Variants in PPM1L observed in about 807,000 individuals in gnomAD.
The protein encoded by PPM1L is protein phosphatase, Mg2+/Mn2+ dependent 1L.
A neutral mutation model predicts 31.4 loss-of-function variants in PPM1L; 13 were observed. The observed-to-expected ratio is 0.41, with a 90% CI of 0.27 to 0.66. The LOEUF (loss-of-function observed/expected upper bound fraction) is 0.66. Among genes scored for constraint, PPM1L ranks in the 30% least tolerant of loss-of-function variants. The pLI is 0.29. For missense variants in PPM1L, 326 were observed against 453.7 expected (o/e 0.72, Z 2.56); for synonymous variants, 184 against 175.4 (o/e 1.05, Z -0.39).
chr3:160,978,882 G>A (rs1716702272), intron 2 of PPM1L, among the ~76,000 whole-genome samples: 1 of 151,740 alleles, frequency 6.6e-6, no homozygotes, highest in Admixed American at 6.6e-5. Context: ...AGAAAGGAAA[G>A]AAAGTATTAT....
At chr3:160,886,220 C>G (rs369781411) in intron 1 of PPM1L, among the ~76,000 whole-genome samples, 4 of 152,320 alleles carry the variant, frequency 2.6e-5, no homozygotes, top group African/African-American at 9.6e-5. Context: ...GGGCCTGTGC[C>G]CCTAGTGGGA....
chr3:160,764,071 C>G (rs896418047), intron 1 of PPM1L, among the ~76,000 whole-genome samples: 5 of 152,134 alleles, frequency 3.3e-5, no homozygotes, highest in African/African-American at 1.2e-4. Flanking sequence ...ATTACCCTGT[C>G]ACATCTACTG....
chr3:160,986,746 C>T (rs1716978456), intron 2 of PPM1L, among the ~76,000 whole-genome samples: 1 of 152,094 alleles, frequency 6.6e-6, no homozygotes, highest in Non-Finnish European at 1.5e-5. Context: ...TTTTATCTTG[C>T]TTTGTTTTTT....
chr3:160,884,861 T>C lies in PPM1L; in HGVS notation c.400-76875T>C, dbSNP rs148489694. Among the ~76,000 whole-genome samples the C allele has an allele frequency of 9.4e-4, 143 of 152,254 alleles. 2 individuals are homozygous for C. The East Asian group carries it at 0.027, about 28-fold the overall frequency. ...TAAGAAAGTTTGCTATGCTAATGAG[T>C]AGTGTTAGTCCCATGGAGGGAGATT... On this transcript the variant is annotated intron_variant, in intron 1 of 3. Coordinates refer to ENST00000498165, the MANE Select transcript of PPM1L (RefSeq NM_139245.4).
At chr3:160,778,499 G>A (rs978028300) in intron 1 of PPM1L, among the ~76,000 whole-genome samples, 2 of 151,956 alleles carry the variant, frequency 1.3e-5, no homozygotes, top group Admixed American at 6.6e-5. Flanking sequence ...AATTACTTGC[G>A]GCTGTGGGAG....
chr3:160,917,809 G>T (rs533364738), intron 1 of PPM1L, among the ~76,000 whole-genome samples: 2 of 152,208 alleles, frequency 1.3e-5, no homozygotes, highest in Non-Finnish European at 2.9e-5. Flanking sequence ...GGGCATCCCT[G>T]TGTCATAGGG....
At chr3:160,855,673 A>C (rs1425503877) in intron 1 of PPM1L, among the ~76,000 whole-genome samples, 3 of 152,336 alleles carry the variant, frequency 2.0e-5, no homozygotes, top group Admixed American at 6.5e-5. Flanking sequence ...ACCATTTCAC[A>C]CAAGTCAGAA....
chr3:161,028,827 G>A (rs986260864), intron 2 of PPM1L, among the ~76,000 whole-genome samples: 1 of 152,138 alleles, frequency 6.6e-6, no homozygotes, highest in African/African-American at 2.4e-5. Context: ...GCCAGTGTAC[G>A]TGCCCTCTAA....
At chr3:160,899,845 T>C (rs1713479565) in intron 1 of PPM1L, among the ~76,000 whole-genome samples, 1 of 152,168 alleles carries the variant, frequency 6.6e-6, no homozygotes, top group South Asian at 2.1e-4. Flanking sequence ...TAAATGTAGA[T>C]GAATTTTCTA....
chr3:160,835,527 T>C (rs577376399), intron 1 of PPM1L, among the ~76,000 whole-genome samples: 1 of 152,296 alleles, frequency 6.6e-6, no homozygotes, highest in Admixed American at 6.5e-5. Context: ...CTCACATCTA[T>C]AGCTTTTATT....
chr3:160,908,813 T>A (rs1382148316), intron 1 of PPM1L, among the ~76,000 whole-genome samples: 2 of 151,944 alleles, frequency 1.3e-5, no homozygotes, highest in Non-Finnish European at 2.9e-5. Context: ...GTGCACAGAG[T>A]GATTTCAGAG....
At chr3:160,974,589 T>C (rs565831293) in intron 2 of PPM1L, among the ~76,000 whole-genome samples, 20 of 151,772 alleles carry the variant, frequency 1.3e-4, no homozygotes, top group Admixed American at 3.9e-4. Flanking sequence ...TGGTATCTCA[T>C]TGTGGTTTTG....
chr3:161,052,882 C>A lies in PPM1L; in HGVS notation c.575-12521C>A, dbSNP rs548531443. 3.3e-4 allele frequency among the ~76,000 whole-genome samples: 50 copies of A among 152,308 alleles called. No individual in the cohort carries two copies. In the Middle Eastern group the frequency reaches 0.01, roughly 31 times the overall value. ...CCTCTCATTTTCAGCCTTCTTCTCC[C>A]CTTTTCCTGTCTCTGCCTTTCTCCT... On this transcript the variant is annotated intron_variant, in intron 2 of 3. Coordinates refer to ENST00000498165, the MANE Select transcript of PPM1L (RefSeq NM_139245.4).
intron 1 of PPM1L, among the ~76,000 whole-genome samples, chr3:160,836,618 C>T (rs1713724495): frequency 1.3e-5 from 2 of 152,190 alleles, no homozygotes; most frequent in Non-Finnish European, 2.9e-5. Flanking sequence ...AGCACTCATC[C>T]CCCTCCCCCA....
chr3:160,941,795 G>A (rs1484362058), intron 1 of PPM1L, among the ~76,000 whole-genome samples: 1 of 152,164 alleles, frequency 6.6e-6, no homozygotes, highest in Admixed American at 6.5e-5. Context: ...CAAGTCATCT[G>A]CTTCCTTAAG....
intron 1 of PPM1L, among the ~76,000 whole-genome samples, chr3:160,796,640 T>C (rs904469051): frequency 6.6e-6 from 1 of 152,204 alleles, no homozygotes; most frequent in African/African-American, 2.4e-5. Context: ...CAGAGGAGCA[T>C]GACGAAGGGC....
intron 1 of PPM1L, among the ~76,000 whole-genome samples, chr3:160,846,292 CT>C (rs1445058185): frequency 2.0e-5 from 3 of 152,032 alleles, no homozygotes; most frequent in Non-Finnish European, 4.4e-5. Context: ...GAAGTCACAC[CT>C]CATTAACAGA....
At chr3:161,038,585 T>TAAAAAA (rs35502476) in intron 2 of PPM1L, among the ~76,000 whole-genome samples, 2 of 110,580 alleles carry the variant, frequency 1.8e-5, no homozygotes, top group Non-Finnish European at 1.9e-5. Context: ...GGATTTGTTT[T>TAAAAAA]AAAAAAAAAA....
intron 1 of PPM1L, among the ~76,000 whole-genome samples, chr3:160,897,550 G>A (rs960542211): frequency 1.3e-5 from 2 of 152,206 alleles, no homozygotes; most frequent in Admixed American, 6.5e-5. Context: ...AGAGCTAGCT[G>A]TATGCTAGCA....
Sources: gnomAD v4.1 joint callset for allele counts (sites outside exome capture counted in the v4.1 genomes callset) on GRCh38, gnomAD v4.1.1 for gene constraint, MANE v1.5 for transcripts, NCBI Gene and HGNC (gene_info 2026-07-23, HGNC 2026-07-21) for gene names.